The following ZC3H12B variants were observed in gnomAD, a reference collection of about 807,000 sequenced individuals.
The protein encoded by ZC3H12B is zinc finger CCCH-type containing 12B.
A neutral mutation model predicts 43.9 loss-of-function variants in ZC3H12B; 7 were observed. The observed-to-expected ratio is 0.16, with a 90% CI of 0.09 to 0.30. ZC3H12B has a LOEUF of 0.30. Among genes scored for constraint, ZC3H12B ranks in the 10% least tolerant of loss-of-function variants. ZC3H12B has a pLI of 1.00. For missense variants in ZC3H12B, 475 were observed against 670.2 expected (o/e 0.71, Z 3.22); for synonymous variants, 222 against 241.7 (o/e 0.92, Z 0.76).
chrX:65,313,471 A>G, the ZC3H12B span, among the ~76,000 whole-genome samples: 228 of 112,394 alleles, frequency 2.0e-3, 1 homozygote, highest in African/African-American at 7.0e-3. Context: ...GTGGGTGCAC[A>G]TAATATGTCC....
rs1384275427 is a variant in ZC3H12B, at chrX:65,373,859, G to A, written n.295+4861G>A. Among the ~76,000 whole-genome samples the A allele has an allele frequency of 2.5e-4, 10 of 40,284 alleles. No homozygotes were observed. In the East Asian group the frequency reaches 6.2e-3, roughly 25 times the overall value. 35.0% of individuals were successfully genotyped at this position (40,284 alleles called of 115,157 possible). A position where few individuals can be genotyped will look rare whatever the true frequency, so the allele number is the denominator to read the frequency against. ...GCATACATATATAACAAACCTACGC[G>A]TTCTGCACATGTACCCTAGAACTTA... is the stretch of plus-strand genomic sequence containing the variant. On this transcript the variant is annotated intron_variant and non_coding_transcript_variant, in intron 2 of 5. Transcript: ENST00000617377.
chrX:65,351,180 A>C, the ZC3H12B span, among the ~76,000 whole-genome samples: 284 of 111,486 alleles, frequency 2.5e-3, 1 homozygote, highest in South Asian at 0.014. Flanking sequence ...CATCTACAAC[A>C]ATCTGATCTT....
intron 3 of ZC3H12B, among the ~76,000 whole-genome samples, chrX:65,406,935 G>A (rs2066836350): frequency 8.9e-6 from 1 of 112,472 alleles, no homozygotes; most frequent in Admixed American, 9.3e-5. Flanking sequence ...TTTGCCCGCC[G>A]GGGAGGGTGG....
the ZC3H12B span, among the ~76,000 whole-genome samples, chrX:65,307,457 G>A: frequency 8.9e-6 from 1 of 111,797 alleles, no homozygotes; most frequent in African/African-American, 3.2e-5. Flanking sequence ...AATGGAAAAG[G>A]AACCTAATGG....
intron 3 of ZC3H12B, among the ~76,000 whole-genome samples, chrX:65,448,885 T>G (rs780287503): frequency 1.6e-3 from 89 of 55,098 alleles, no homozygotes; most frequent in African/African-American, 6.8e-3. Flanking sequence ...GGGAAATAAA[T>G]AAAGAAAGAA....
At chrX:65,105,385 C>T in the ZC3H12B span, among the ~76,000 whole-genome samples, 1 of 111,169 alleles carries the variant, frequency 9.0e-6, no homozygotes, top group Non-Finnish European at 1.9e-5. Flanking sequence ...CCAACCTGCA[C>T]ATTCAGCAGA....
chrX:65,214,057 A>G, the ZC3H12B span, among the ~76,000 whole-genome samples: 22 of 111,007 alleles, frequency 2.0e-4, no homozygotes, highest in Admixed American at 2.0e-3. Flanking sequence ...AAATGTACAT[A>G]TCTTATTTCA....
At chrX:65,438,474 G>T in intron 3 of ZC3H12B, among the ~76,000 whole-genome samples, 1 of 111,815 alleles carries the variant, frequency 8.9e-6, no homozygotes, top group East Asian at 2.8e-4. Flanking sequence ...GCTCAGTCGG[G>T]GAGACCCTAA....
intron 3 of ZC3H12B, among the ~76,000 whole-genome samples, chrX:65,399,463 C>T (rs1262296483): frequency 1.8e-5 from 2 of 111,546 alleles, no homozygotes; most frequent in Non-Finnish European, 3.8e-5. Flanking sequence ...GAGAAATGCA[C>T]ATCAAAACTG....
chrX:65,110,420 T>C, the ZC3H12B span, among the ~76,000 whole-genome samples: 1 of 109,593 alleles, frequency 9.1e-6, no homozygotes, highest in African/African-American at 3.3e-5. Flanking sequence ...AGTTTTATAG[T>C]TTGTTGTATT....
the ZC3H12B span, among the ~76,000 whole-genome samples, chrX:65,180,181 C>T: frequency 8.9e-6 from 1 of 111,841 alleles, no homozygotes; most frequent in East Asian, 2.8e-4. Context: ...TCATCTCTGG[C>T]ATGCAATGCT....
At chrX:65,398,928 G>A (rs1456476804) in intron 3 of ZC3H12B, among the ~76,000 whole-genome samples, 2 of 111,810 alleles carry the variant, frequency 1.8e-5, no homozygotes, top group Admixed American at 9.5e-5. Flanking sequence ...TTTGGGGAAA[G>A]GACTGTCTCT....
the ZC3H12B span, among the ~76,000 whole-genome samples, chrX:65,107,191 C>T: frequency 9.0e-6 from 1 of 111,534 alleles, no homozygotes; most frequent in African/African-American, 3.3e-5. Context: ...ATGTTTAGCT[C>T]TTGAGAGTGG....
chrX:65,246,361 A>G, the ZC3H12B span, among the ~76,000 whole-genome samples: 2 of 112,359 alleles, frequency 1.8e-5, no homozygotes, highest in Non-Finnish European at 3.8e-5. Flanking sequence ...ATTCAATGCT[A>G]TTTTTATTAA....
the ZC3H12B span, among the ~76,000 whole-genome samples, chrX:65,297,262 C>T: frequency 9.0e-6 from 1 of 110,703 alleles, no homozygotes; most frequent in South Asian, 3.9e-4. Context: ...AAGACTCATC[C>T]AAAAGGCTTG....
At chrX:65,275,648 A>T in the ZC3H12B span, among the ~76,000 whole-genome samples, 5 of 112,720 alleles carry the variant, frequency 4.4e-5, no homozygotes, top group African/African-American at 1.3e-4. Context: ...CCTGGAAGAA[A>T]GGTGAGTGCA....
At chrX:65,166,783 C>G in the ZC3H12B span, among the ~76,000 whole-genome samples, 1 of 112,096 alleles carries the variant, frequency 8.9e-6, no homozygotes, top group Non-Finnish European at 1.9e-5. Context: ...ATTTGCATTT[C>G]TCTGATGGCC....
chrX:65,407,101 A>G (rs2066838311), intron 3 of ZC3H12B, among the ~76,000 whole-genome samples: 1 of 113,082 alleles, frequency 8.8e-6, no homozygotes, highest in African/African-American at 3.2e-5. Context: ...AAGAAAAGAA[A>G]GAAGACCGAG....
chrX:65,146,489 C>T, the ZC3H12B span, among the ~76,000 whole-genome samples: 1 of 111,271 alleles, frequency 9.0e-6, no homozygotes, highest in Non-Finnish European at 1.9e-5. Flanking sequence ...TGGTTTGGGT[C>T]CATTGCTGAT....
Sources: gnomAD v4.1 joint callset for allele counts (sites outside exome capture counted in the v4.1 genomes callset) on GRCh38, gnomAD v4.1.1 for gene constraint, MANE v1.5 for transcripts, NCBI Gene and HGNC (gene_info 2026-07-23, HGNC 2026-07-21) for gene names.